The following RANBP9 variants were observed in gnomAD, a reference collection of about 807,000 sequenced individuals.
The protein encoded by RANBP9 is RAN binding protein 9, also known as ran-binding protein 9.
Under a neutral mutation model 84.3 loss-of-function variants are expected in RANBP9, and 15 were observed. That is an observed-to-expected ratio of 0.18 (90% CI 0.12 to 0.27). The LOEUF is 0.27. RANBP9 is among the 10% of genes least tolerant of loss of function. The pLI is 1.00. For synonymous variants in RANBP9, 392 were observed against 349.6 expected (o/e 1.12, Z -1.35); for missense variants, 809 against 912.8 (o/e 0.89, Z 1.46).
In RANBP9 at chr6:13,710,860, G is replaced by A. The variant is rs928321933; in HGVS notation, c.571+75C>T. 5.7e-5 allele frequency: 84 copies of A among 1,461,394 alleles called. 2 individuals carry two copies. In the South Asian group the frequency reaches 8.8e-4, roughly 15 times the overall value. The allele number at this position is 1,461,394 out of a possible 1,614,324, so 90.5% of individuals were successfully genotyped here. A position where few individuals can be genotyped will look rare whatever the true frequency, so the allele number is the denominator to read the frequency against. On this transcript the variant is annotated intron_variant, in intron 1 of 13. Transcript: ENST00000011619. ...CCGCGAGGGCGGGGGTCGGGGGCGG[G>A]TCGAGAGCGGCGCAGCGGCGGCCGG...
chr6:13,634,764 G>GA (rs569130474), intron 10 of RANBP9, among the ~76,000 whole-genome samples: 39 of 152,148 alleles, frequency 2.6e-4, no homozygotes, highest in Non-Finnish European at 4.9e-4. Flanking sequence ...GGTAAGGGAG[G>GA]AAAAAAAGTA....
intron 10 of RANBP9, among the ~76,000 whole-genome samples, chr6:13,636,745 T>C (rs139656274): frequency 4.3e-4 from 65 of 152,376 alleles, no homozygotes; most frequent in African/African-American, 1.5e-3. Context: ...TCATACACTT[T>C]TGTGGTTCTC....
intron 2 of RANBP9, among the ~76,000 whole-genome samples, chr6:13,678,830 T>C (rs982673719): frequency 2.6e-5 from 4 of 152,132 alleles, no homozygotes; most frequent in Non-Finnish European, 5.9e-5. Flanking sequence ...CATATCCCCC[T>C]GCAGCTACCC....
chr6:13,686,308 T>C (rs776883630), intron 2 of RANBP9, among the ~76,000 whole-genome samples: 1 of 151,796 alleles, frequency 6.6e-6, no homozygotes, highest in Admixed American at 6.6e-5. Flanking sequence ...TTTTTTGAGA[T>C]GGAGTCTGGC....
intron 1 of RANBP9, 42 bp downstream of exon 1, chr6:13,710,893 G>C (rs547547895): frequency 4.9e-5 from 75 of 1,544,876 alleles, no homozygotes; most frequent in Non-Finnish European, 6.3e-5. Flanking sequence ...CGGCCACGTC[G>C]GGTCAGTGCC....
chr6:13,647,338 C>T (rs1765193409), intron 5 of RANBP9, among the ~76,000 whole-genome samples: 1 of 152,084 alleles, frequency 6.6e-6, no homozygotes, highest in Non-Finnish European at 1.5e-5. Flanking sequence ...AAATTAAACT[C>T]TGACCAGTCA....
At chr6:13,706,831 G>A (rs887689108) in intron 1 of RANBP9, among the ~76,000 whole-genome samples, 4 of 151,868 alleles carry the variant, frequency 2.6e-5, no homozygotes, top group African/African-American at 4.8e-5. Context: ...GTGAAACCCC[G>A]TCTCTACTAG....
At chr6:13,671,600 A>G (rs565736065) in intron 2 of RANBP9, among the ~76,000 whole-genome samples, 1 of 152,332 alleles carries the variant, frequency 6.6e-6, no homozygotes, top group African/African-American at 2.4e-5. Flanking sequence ...AAGTAAATCC[A>G]TAAAAACAAA....
rs529870973 is a variant in RANBP9 at position 13,690,747 on chromosome 6, T to C, written c.683+6038A>G. On this transcript the variant is annotated intron_variant, in intron 2 of 13. Transcript: ENST00000011619. ...TCTATTAATATGCATAATTTAAAAT[T>C]TGAATGAAATCCCTGAACTGAAAGT... Among the ~76,000 whole-genome samples the C allele has an allele frequency of 3.9e-5, 6 of 152,326 alleles. No homozygotes were observed. The South Asian group carries it at 1.2e-3, about 32-fold the overall frequency.
chr6:13,650,274 G>C (rs1382968606), intron 5 of RANBP9, among the ~76,000 whole-genome samples: 1 of 151,418 alleles, frequency 6.6e-6, no homozygotes, highest in Non-Finnish European at 1.5e-5. Flanking sequence ...GCCAAATAAT[G>C]CTTCTTGAAG....
At chr6:13,639,828 A>G in intron 8 of RANBP9, 75 bp from the exon 9 acceptor site, 1 of 1,250,142 alleles carries the variant, frequency 8.0e-7, no homozygotes. Flanking sequence ...AGATTTCTAA[A>G]AATATTTTTA....
intron 5 of RANBP9, among the ~76,000 whole-genome samples, chr6:13,650,918 C>T (rs923547204): frequency 2.0e-5 from 3 of 152,022 alleles, no homozygotes; most frequent in Non-Finnish European, 4.4e-5. Context: ...GAGCCAAGAT[C>T]ACACCACTGC....
intron 10 of RANBP9, among the ~76,000 whole-genome samples, chr6:13,636,524 T>C (rs1347168252): frequency 6.6e-6 from 1 of 152,222 alleles, no homozygotes; most frequent in South Asian, 2.1e-4. Flanking sequence ...GTAGGGATAG[T>C]ATTCAAGAGA....
chr6:13,657,063 A>C (rs776545389), intron 4 of RANBP9, 46 bp downstream of exon 4: 13 of 1,483,424 alleles, frequency 8.8e-6, no homozygotes, highest in African/African-American at 4.2e-5. Flanking sequence ...GAAGTATAAT[A>C]ATCTCCATAT....
At chr6:13,666,262 A>G (rs1584931577) in intron 2 of RANBP9, among the ~76,000 whole-genome samples, 1 of 152,296 alleles carries the variant, frequency 6.6e-6, no homozygotes, top group South Asian at 2.1e-4. Context: ...TGATGAAAAG[A>G]GGAATAAAGA....
At chr6:13,677,261 A>G (rs1765909597) in intron 2 of RANBP9, among the ~76,000 whole-genome samples, 1 of 152,170 alleles carries the variant, frequency 6.6e-6, no homozygotes, top group Non-Finnish European at 1.5e-5. Flanking sequence ...TAGCACCAAC[A>G]AAAAGGAAAT....
At chr6:13,628,427 C>A (rs778192862) in intron 12 of RANBP9, among the ~76,000 whole-genome samples, 20 of 152,116 alleles carry the variant, frequency 1.3e-4, no homozygotes, top group Admixed American at 2.0e-4. Context: ...TGGTTGGAAA[C>A]ATGGGTAGGG....
intron 1 of RANBP9, among the ~76,000 whole-genome samples, chr6:13,705,785 C>T (rs886690343): frequency 6.7e-6 from 1 of 148,202 alleles, no homozygotes; most frequent in Non-Finnish European, 1.5e-5. Flanking sequence ...ATGGTCTGAA[C>T]CCAGGAGGCG....
intron 3 of RANBP9, among the ~76,000 whole-genome samples, chr6:13,657,887 A>C (rs1765439668): frequency 6.6e-6 from 1 of 152,224 alleles, no homozygotes; most frequent in Admixed American, 6.5e-5. Context: ...AACATATGTG[A>C]TTACAATCAG....
Sources: allele counts gnomAD v4.1 joint callset (sites outside exome capture counted in the v4.1 genomes callset), GRCh38; gene constraint gnomAD v4.1.1; transcripts MANE v1.5; gene names NCBI Gene and HGNC (gene_info 2026-07-23, HGNC 2026-07-21).